The following CHRM3 variants were observed in gnomAD, a reference collection of about 807,000 sequenced individuals.
CHRM3 encodes cholinergic receptor muscarinic 3.
Under a neutral mutation model 41.8 loss-of-function variants are expected in CHRM3, and 11 were observed. The observed-to-expected ratio is 0.26, with a 90% CI of 0.17 to 0.44. The LOEUF (loss-of-function observed/expected upper bound fraction) is 0.44, where lower values mean the gene tolerates loss of function less well. Among genes scored for constraint, CHRM3 ranks in the 20% least tolerant of loss-of-function variants. The pLI is 1.00. For missense variants in CHRM3, 571 were observed against 745.4 expected, an observed-to-expected ratio of 0.77 and a Z score of 2.72; for synonymous variants, 297 against 301.4, an observed-to-expected ratio of 0.99 and a Z score of 0.15.
chr1:239,808,790 T>C (rs1302382676), intron 5 of CHRM3, among the ~76,000 whole-genome samples: 1 of 152,188 alleles, frequency 6.6e-6, no homozygotes, highest in African/African-American at 2.4e-5. Flanking sequence ...GAGAATTAAA[T>C]CAGCACTCTC....
intron 5 of CHRM3, among the ~76,000 whole-genome samples, chr1:239,784,623 A>G (rs1206364850): frequency 6.6e-6 from 1 of 152,242 alleles, no homozygotes; most frequent in Non-Finnish European, 1.5e-5. Context: ...TACAATTAAC[A>G]TTTTGAACAA....
At chr1:239,613,066 T>G (rs779633235) in intron 3 of CHRM3, among the ~76,000 whole-genome samples, 2 of 152,244 alleles carry the variant, frequency 1.3e-5, no homozygotes, top group Non-Finnish European at 2.9e-5. Flanking sequence ...ATTAGGAGAC[T>G]GCTGCCGAAA....
chr1:239,679,069 G>A (rs1283666823), intron 5 of CHRM3, among the ~76,000 whole-genome samples: 1 of 109,762 alleles, frequency 9.1e-6, no homozygotes, highest in Non-Finnish European at 2.0e-5. Context: ...ATAGACATAG[G>A]TATGTCACGA....
intron 1 of CHRM3, among the ~76,000 whole-genome samples, chr1:239,448,992 C>G (rs1664365812): frequency 6.6e-6 from 1 of 152,034 alleles, no homozygotes; most frequent in African/African-American, 2.4e-5. Flanking sequence ...TTTTTTTCAA[C>G]TACAGAATGA....
chr1:239,849,342 A>G (rs530478749), intron 6 of CHRM3, among the ~76,000 whole-genome samples: 12 of 152,202 alleles, frequency 7.9e-5, no homozygotes, highest in Non-Finnish European at 1.5e-4. Flanking sequence ...GATAAGACCA[A>G]CAGCCACATT....
rs189724193 is a variant in CHRM3, at chr1:239,864,368, G to A, written c.-20+36990G>A. Among the ~76,000 whole-genome samples, 13 of 152,132 alleles carry A rather than the reference G, an allele frequency of 8.5e-5. 1 individual carries two copies. Among genetic ancestry groups the A allele is most frequent in the Middle Eastern group, 3.4e-3 (1 of 294 alleles). ...TTAAAAATACAAAAATTAGCCAGGC[G>A]TGGTGGCACACGCCTGTAATCCAAG... On this transcript the variant is annotated intron_variant, in intron 6 of 6. Transcript: ENST00000676153.
chr1:239,776,685 A>C (rs1160868530), intron 5 of CHRM3, among the ~76,000 whole-genome samples: 1 of 152,190 alleles, frequency 6.6e-6, no homozygotes, highest in Non-Finnish European at 1.5e-5. Flanking sequence ...GTCCATTCTC[A>C]TGCTGCTAAT....
chr1:239,569,283 T>A (rs370421762), intron 3 of CHRM3, among the ~76,000 whole-genome samples: 2 of 152,212 alleles, frequency 1.3e-5, no homozygotes, highest in Non-Finnish European at 2.9e-5. Context: ...GTGTTTAGTA[T>A]GTACAATGAC....
At chr1:239,901,756 G>A (rs1317922943) in intron 6 of CHRM3, among the ~76,000 whole-genome samples, 9 of 152,028 alleles carry the variant, frequency 5.9e-5, no homozygotes, top group South Asian at 2.1e-4. Context: ...ATTTCAAAAC[G>A]AATGGTCTTA....
intron 2 of CHRM3, among the ~76,000 whole-genome samples, chr1:239,521,531 A>G (rs1016028299): frequency 1.3e-5 from 2 of 152,196 alleles, no homozygotes; most frequent in South Asian, 2.1e-4. Context: ...ATAAATATGC[A>G]ATTTTTTGTT....
chr1:239,844,365 G>A (rs946492831), intron 6 of CHRM3, among the ~76,000 whole-genome samples: 10 of 152,228 alleles, frequency 6.6e-5, no homozygotes, highest in African/African-American at 1.4e-4. Flanking sequence ...AATGCAATGC[G>A]CTTATTTGTT....
chr1:239,805,814 A>T (rs1008201941), intron 5 of CHRM3, among the ~76,000 whole-genome samples: 2 of 152,302 alleles, frequency 1.3e-5, no homozygotes, highest in African/African-American at 4.8e-5. Context: ...CTCTGCAAAG[A>T]TTATTATTGG....
At chr1:239,780,918 G>T (rs979774687) in intron 5 of CHRM3, among the ~76,000 whole-genome samples, 1 of 151,740 alleles carries the variant, frequency 6.6e-6, no homozygotes, top group Non-Finnish European at 1.5e-5. Context: ...GTGAAAGATC[G>T]GTTCACTATA....
intron 2 of CHRM3, among the ~76,000 whole-genome samples, chr1:239,493,891 T>C (rs1271865540): frequency 1.3e-5 from 2 of 152,140 alleles, no homozygotes; most frequent in African/African-American, 4.8e-5. Flanking sequence ...GGTTCTTGGC[T>C]TTACACAGGA....
chr1:239,527,887 C>T (rs1387439169), intron 2 of CHRM3, among the ~76,000 whole-genome samples: 1 of 152,172 alleles, frequency 6.6e-6, no homozygotes, highest in Non-Finnish European at 1.5e-5. Flanking sequence ...TATTTCATTA[C>T]CATCCCCTTG....
chr1:239,571,909 G>A (rs1017478312), intron 3 of CHRM3, among the ~76,000 whole-genome samples: 2 of 152,144 alleles, frequency 1.3e-5, no homozygotes, highest in African/African-American at 4.8e-5. Context: ...TGCTTTTGCA[G>A]TAGGACTGAC....
intron 2 of CHRM3, among the ~76,000 whole-genome samples, chr1:239,522,950 C>T (rs1669755490): frequency 6.6e-6 from 1 of 151,930 alleles, no homozygotes; most frequent in African/African-American, 2.4e-5. Context: ...GAACCATGAG[C>T]CCAGGGAGAC....
chr1:239,530,778 C>G (rs1202330448), intron 2 of CHRM3, among the ~76,000 whole-genome samples: 1 of 151,934 alleles, frequency 6.6e-6, no homozygotes, highest in Non-Finnish European at 1.5e-5. Context: ...TGATGAATAG[C>G]AATTATCCGT....
At chr1:239,617,546 G>A (rs1667766528) in intron 3 of CHRM3, among the ~76,000 whole-genome samples, 1 of 152,150 alleles carries the variant, frequency 6.6e-6, no homozygotes, top group Admixed American at 6.5e-5. Flanking sequence ...GCAAGATGGT[G>A]AGACCTCGTC....
Sources: gnomAD v4.1 joint callset for allele counts (sites outside exome capture counted in the v4.1 genomes callset) on GRCh38, gnomAD v4.1.1 for gene constraint, MANE v1.5 for transcripts, NCBI Gene and HGNC (gene_info 2026-07-23, HGNC 2026-07-21) for gene names.